MIER3: variants seen among roughly 807,000 people sequenced by gnomAD.
MIER3 encodes the protein mesoderm induction early response protein 3.
Under a neutral mutation model 63.2 loss-of-function variants are expected in MIER3, and 9 were observed. That is an observed-to-expected ratio of 0.14 (90% confidence interval 0.09 to 0.25). The LOEUF is 0.25. MIER3 is among the 10% of genes least tolerant of loss of function. The pLI is 1.00. For synonymous variants in MIER3, 205 were observed against 224.9 expected (o/e 0.91, Z 0.79); for missense variants, 512 against 666.2 (o/e 0.77, Z 2.55).
chr5:56,936,960 G>C (rs1402638226), intron 5 of MIER3: 1 of 152,046 alleles, frequency 6.6e-6, no homozygotes, highest in Non-Finnish European at 1.5e-5. Context: ...TTCAAATAAA[G>C]GTCTATAAAA....
chr5:56,924,797 CTT>C (rs1315035603), intron 10 of MIER3, among the ~76,000 whole-genome samples: 1 of 152,200 alleles, frequency 6.6e-6, no homozygotes, highest in African/African-American at 2.4e-5. Flanking sequence ...CCAATAAATG[CTT>C]TCTCCCTTGC....
At chr5:56,929,009 T>A (rs201429002) in intron 9 of MIER3, 148 bp from the exon 10 acceptor site, 45,738 of 166,020 alleles carry the variant, frequency 0.28, 158 homozygotes, top group South Asian at 0.37. Context: ...ACACACACTC[T>A]CTCTCTCTCT....
At chr5:56,943,104 C>T (rs944102008) in intron 3 of MIER3, among the ~76,000 whole-genome samples, 2 of 151,990 alleles carry the variant, frequency 1.3e-5, no homozygotes, top group East Asian at 1.9e-4. Context: ...ATGATGATAC[C>T]GCTGCACTCT....
chr5:56,945,454 C>G (rs1342156942), intron 3 of MIER3, among the ~76,000 whole-genome samples: 1 of 151,536 alleles, frequency 6.6e-6, no homozygotes, highest in Admixed American at 6.6e-5. Context: ...TGGAGCAAGT[C>G]TTCGTCTCAA....
Position 56,920,123 on chromosome 5 carries a change from A to G in MIER3, c.*3005T>C, listed in dbSNP as rs770021939. ...ATGTTCTCAAATATTTATGAGCCTC[A>G]ACATTTTAAAAATTAAAAAGGAAAT... On this transcript the variant is annotated 3_prime_UTR_variant, in exon 13 of 13. Coordinates refer to ENST00000381199, the MANE Select transcript of MIER3 (RefSeq NM_001297599.2). The G allele has an allele frequency of 6.6e-5, 10 of 152,610 alleles. No individual in the cohort carries two copies. The South Asian group carries it at 1.2e-3, about 19-fold the overall frequency. 9.5% of individuals were successfully genotyped at this position (152,610 alleles called of 1,614,324 possible).
intron 8 of MIER3, among the ~76,000 whole-genome samples, chr5:56,931,363 G>A (rs1363702370): frequency 1.3e-5 from 2 of 152,088 alleles, no homozygotes; most frequent in Admixed American, 1.3e-4. Context: ...TTAAGGAAGT[G>A]AAGATGGTTC....
At chr5:56,947,865 T>G (rs929871915) in intron 2 of MIER3, among the ~76,000 whole-genome samples, 13 of 152,226 alleles carry the variant, frequency 8.5e-5, no homozygotes, top group Non-Finnish European at 1.8e-4. Flanking sequence ...AAATATGAAG[T>G]CAATAGGAAA....
At chr5:56,938,741 A>G (rs1184672415) in intron 4 of MIER3, 142 bp downstream of exon 4, 6 of 1,066,110 alleles carry the variant, frequency 5.6e-6, no homozygotes, top group African/African-American at 1.6e-5. Context: ...AAGCCAAACA[A>G]AGTTTAAATC....
At chr5:56,938,842 G>A (rs1350393788) in intron 4 of MIER3, 41 bp downstream of exon 4, 2 of 1,598,892 alleles carry the variant, frequency 1.3e-6, no homozygotes, top group Admixed American at 1.7e-5. Flanking sequence ...GCAGTCAATG[G>A]TAACAGACCC....
chr5:56,932,729 AATTTAT>A (rs960252780), intron 8 of MIER3, among the ~76,000 whole-genome samples: 2 of 152,218 alleles, frequency 1.3e-5, no homozygotes, highest in African/African-American at 4.8e-5. Flanking sequence ...TCCTAAGTCA[AATTTAT>A]ATAGTCTTAA....
rs748337369 is a variant in MIER3, at chr5:56,946,908, T to C, written c.180+18A>G. 6.7e-7 allele frequency: 1 copy of C among 1,483,328 alleles called. No homozygotes were observed. Among genetic ancestry groups the C allele is most frequent in the East Asian group, 2.5e-5 (1 of 39,734 alleles). The allele number at this position is 1,483,328 out of a possible 1,614,324, so 91.9% of individuals were successfully genotyped here. On this transcript the variant is annotated intron_variant, in intron 3 of 12. Transcript: ENST00000381199. ...TCAAAATCTTTGTTAAGTTTGTATATTAAAGTAAATCTTATACCTTTTCTA... is the reference window on the plus strand; with the variant it reads ...TCAAAATCTTTGTTAAGTTTGTATACTAAAGTAAATCTTATACCTTTTCTA...
rs749696583 is a variant in MIER3, at chr5:56,952,111, C to A, written c.-9G>T. The A allele has an allele frequency of 3.1e-6, 4 of 1,292,166 alleles. No homozygotes were observed. The highest frequency in any genetic ancestry group is 4.0e-6 in the Non-Finnish European group (4 of 1,002,442). The allele number at this position is 1,292,166 out of a possible 1,614,324, so 80.0% of individuals were successfully genotyped here. ...CTGCTCACCTCCGCCATATTGGTAC[C>A]TTTAGGGCGAACGAGCAGCGCCGAG... On this transcript the variant is annotated 5_prime_UTR_variant, in exon 1 of 13. In the 5' UTR this introduces an upstream ATG that the reference lacks. Transcript: ENST00000381199.
At chr5:56,941,013 T>G (rs1457694117) in intron 3 of MIER3, 2 of 985,260 alleles carry the variant, frequency 2.0e-6, no homozygotes, top group Non-Finnish European at 2.4e-6. Context: ...TATGCACTGA[T>G]GGTCCACCTT....
intron 8 of MIER3, among the ~76,000 whole-genome samples, chr5:56,932,745 A>G (rs1408495155): frequency 3.3e-5 from 5 of 152,226 alleles, no homozygotes; most frequent in Admixed American, 3.3e-4. Context: ...TATAGTCTTA[A>G]TAGACATTAC....
Position 56,928,808 on chromosome 5 carries a change from T to G in MIER3, c.883A>C (p.Met295Leu). ...EECRSFEHAL[M>L]LFGKDFHLIQ... ...AGATGAAAATCTTTTCCAAAAAGCA[T>G]GAGTGCATGTTCAAAGCTTCGGCAT... is the stretch of plus-strand genomic sequence containing the variant. Residue 295 changes from methionine (M) to leucine (L), a missense_variant, in exon 10 of 13, where the codon ATG (methionine) becomes CTG (leucine). Around this residue, in one of 5 missense-constraint regions of MIER3, gnomAD observed 34 missense variants for 86.3 expected, o/e 0.39. Transcript: ENST00000381199. 1 of 1,613,798 alleles carries G rather than the reference T, an allele frequency of 6.2e-7. No individual in the cohort carries two copies. Among genetic ancestry groups the G allele is most frequent in the Non-Finnish European group, 8.5e-7 (1 of 1,179,826 alleles).
At chr5:56,926,578 T>G (rs1022545875) in intron 10 of MIER3, among the ~76,000 whole-genome samples, 1 of 152,118 alleles carries the variant, frequency 6.6e-6, no homozygotes, top group Admixed American at 6.5e-5. Flanking sequence ...TCCAAAACAC[T>G]GACACCACGA....
intron 2 of MIER3, among the ~76,000 whole-genome samples, chr5:56,949,479 T>A (rs1750943419): frequency 2.6e-5 from 4 of 152,220 alleles, no homozygotes; most frequent in Admixed American, 2.6e-4. Context: ...CTGTTTGACA[T>A]CATGTATATA....
At position 56,923,547 on chromosome 5, in the gene MIER3, C is replaced by T. The variant is rs13158350; in HGVS notation, c.1234G>A (p.Asp412Asn). 4 of 1,614,074 alleles carry T rather than the reference C, an allele frequency of 2.5e-6. No individual in the cohort carries two copies. In the African/African-American group the frequency reaches 4.0e-5, roughly 16 times the overall value. ...NSVATVCDPTDVNCLDDSFPP... is the reference protein window; with the variant it reads ...NSVATVCDPTNVNCLDDSFPP... The stretch of plus-strand genomic sequence containing the variant: ...AAGCTATCATCCAAACAATTCACAT[C>T]TGTGGGGTCGCAGACGGTTGCTACA... The change falls in exon 13 of 13, where the codon GAT becomes AAT. Residue 412 changes from aspartate (D) to asparagine (N), a missense_variant. Around this residue, in one of 5 missense-constraint regions of MIER3, gnomAD observed 218 missense variants for 251.2 expected, o/e 0.87. Transcript: ENST00000381199.
intron 1 of MIER3, among the ~76,000 whole-genome samples, chr5:56,951,683 T>G (rs968984925): frequency 6.6e-6 from 1 of 151,356 alleles, no homozygotes; most frequent in Non-Finnish European, 1.5e-5. Flanking sequence ...CTCCCCTCTT[T>G]GCGATCCGGC....
Sources: gnomAD v4.1 joint callset for allele counts (sites outside exome capture counted in the v4.1 genomes callset) on GRCh38, gnomAD v4.1.1 for gene constraint, gnomAD v4.1.1 regional missense constraint, MANE v1.5 for transcripts, NCBI Gene and HGNC (gene_info 2026-07-23, HGNC 2026-07-21) for gene names.